ANKRD18B: variants seen among roughly 807,000 people sequenced by gnomAD.
ANKRD18B encodes ankyrin repeat domain 18B.
In ANKRD18B, 75 loss-of-function variants were observed where a neutral mutation model predicts 111.8. The observed-to-expected ratio is 0.67, with a 90% CI of 0.56 to 0.81. The LOEUF (loss-of-function observed/expected upper bound fraction) is 0.81. Ranked by LOEUF, ANKRD18B falls within the 40% of genes least tolerant of loss-of-function variation. ANKRD18B has a pLI of 0.00. For missense variants in ANKRD18B, 1,038 were observed against 1,225.5 expected (o/e 0.85, Z 2.28); for synonymous variants, 356 against 417.3 (o/e 0.85, Z 1.79).
At chr9:33,550,955 C>CTTAT (rs765731078) in intron 12 of ANKRD18B, among the ~76,000 whole-genome samples, 19 of 152,144 alleles carry the variant, frequency 1.2e-4, no homozygotes, top group Admixed American at 3.3e-4. Flanking sequence ...ATCAAGTTGT[C>CTTAT]TTATTTCTTC....
Position 33,548,207 on chromosome 9 carries a change from T to C in ANKRD18B, c.1419T>C (p.Asn473=). The change falls in exon 11 of 19, where the codon AAT becomes AAC. Residue 473 remains asparagine (N), a synonymous_variant. Transcript: ENST00000684830. The part of the protein sequence containing the change: ...NDLKAENARL[N]SKLEKEKHNK... The stretch of plus-strand genomic sequence containing the variant: ...TGAAAGCTGAGAATGCAAGGCTGAA[T>C]TCAAAATTGGAGAAGGAAAAACACA... The C allele has an allele frequency of 6.4e-7, 1 of 1,550,480 alleles. No homozygotes were observed. Among genetic ancestry groups the C allele is most frequent in the Non-Finnish European group, 8.7e-7 (1 of 1,146,538 alleles).
At chr9:33,553,041 T>C (rs1053658415) in intron 12 of ANKRD18B, among the ~76,000 whole-genome samples, 1 of 151,500 alleles carries the variant, frequency 6.6e-6, no homozygotes, top group Non-Finnish European at 1.5e-5. Context: ...TTCTGGCTTC[T>C]GTGTAGAACT....
intron 14 of ANKRD18B, among the ~76,000 whole-genome samples, chr9:33,561,429 A>G (rs1012574159): frequency 6.6e-5 from 10 of 152,218 alleles, no homozygotes; most frequent in African/African-American, 2.4e-4. Context: ...TATATCCTAT[A>G]TATGTAAGTC....
At chr9:33,545,100 T>A (rs1828334921) in intron 10 of ANKRD18B, among the ~76,000 whole-genome samples, 1 of 152,184 alleles carries the variant, frequency 6.6e-6, no homozygotes, top group African/African-American at 2.4e-5. Flanking sequence ...GTTGCATTTA[T>A]ACTCTGGGTC....
intron 5 of ANKRD18B, among the ~76,000 whole-genome samples, chr9:33,536,055 G>T (rs939883261): frequency 7.2e-5 from 11 of 151,940 alleles, no homozygotes; most frequent in Non-Finnish European, 1.3e-4. Flanking sequence ...GGACCAAAAA[G>T]GTGCAGCCTC....
chr9:33,543,101 G>C lies in ANKRD18B; in HGVS notation c.1079-84G>C, dbSNP rs972507189. 28 of 1,181,068 alleles carry C rather than the reference G, an allele frequency of 2.4e-5. No homozygotes were observed. In the Admixed American group the frequency reaches 7.6e-4, roughly 32 times the overall value. The allele number at this position is 1,181,068 out of a possible 1,614,324, so 73.2% of individuals were successfully genotyped here. A position where few individuals can be genotyped will look rare whatever the true frequency, so the allele number is the denominator to read the frequency against. ...TAAATTCTCAATTTATAAAAGAAAA[G>C]TGTGTGTTGTTTTGTATCAATTTTT... On this transcript the variant is annotated intron_variant, in intron 9 of 18. Coordinates refer to ENST00000684830, the MANE Select transcript of ANKRD18B (RefSeq NM_001393611.1).
In ANKRD18B at chr9:33,548,295, G is replaced by A; in HGVS notation, c.1507G>A (p.Glu503Lys). ...LHSNLATAINEYNEILERKDL... is the reference protein window; with the variant it reads ...LHSNLATAINKYNEILERKDL... ...TTCTAACTTGGCCACTGCTATAAAT[G>A]AGTACAATGAAATTTTGGAAAGAAA... The change falls in exon 11 of 19, where the codon GAG becomes AAG. Residue 503 changes from glutamate (E) to lysine (K), a missense_variant. Coordinates refer to ENST00000684830, the MANE Select transcript of ANKRD18B (RefSeq NM_001393611.1). The A allele has an allele frequency of 6.5e-7, 1 of 1,550,260 alleles. No individual in the cohort carries two copies. The highest frequency in any genetic ancestry group is 8.7e-7 in the Non-Finnish European group (1 of 1,146,476).
At chr9:33,547,716 GTGTGTGTGTT>G (rs1828380264) in intron 10 of ANKRD18B, among the ~76,000 whole-genome samples, 2 of 124,622 alleles carry the variant, frequency 1.6e-5, no homozygotes, top group Admixed American at 8.3e-5. Context: ...GTGTGTGTGT[GTGTGTGTGTT>G]TTATGGATTC....
intron 12 of ANKRD18B, among the ~76,000 whole-genome samples, chr9:33,554,909 T>G (rs1828499989): frequency 6.6e-6 from 1 of 151,802 alleles, no homozygotes. Flanking sequence ...TGTGACAGGT[T>G]CATAACTTAG....
At chr9:33,561,764 G>A (rs1031211426) in intron 14 of ANKRD18B, among the ~76,000 whole-genome samples, 1 of 152,124 alleles carries the variant, frequency 6.6e-6, no homozygotes, top group Admixed American at 6.5e-5. Flanking sequence ...TTATTGAAAA[G>A]ACTATTCTTT....
chr9:33,534,322 A>G (rs1828162926), intron 4 of ANKRD18B, 48 bp from the exon 5 acceptor site: 4 of 1,496,090 alleles, frequency 2.7e-6, no homozygotes. Flanking sequence ...TGCTAATTAA[A>G]TATCTTTATC....
intron 9 of ANKRD18B, among the ~76,000 whole-genome samples, chr9:33,541,651 T>C (rs893067740): frequency 1.3e-5 from 2 of 152,136 alleles, no homozygotes; most frequent in Admixed American, 1.3e-4. Context: ...TTAACTATGA[T>C]AGCAACATTA....
chr9:33,573,057 C>T (rs1419893365), downstream of ANKRD18B: 9 of 703,682 alleles, frequency 1.3e-5, no homozygotes, highest in Admixed American at 4.5e-5. Context: ...CAGTGGTAGA[C>T]ATTTCAAGCT....
At position 33,566,506 on chromosome 9, in the gene ANKRD18B, T is replaced by C. The variant is rs754942398; in HGVS notation, c.2742+6T>C. On this transcript the variant is annotated splice_donor_region_variant and intron_variant, in intron 15 of 18. Transcript: ENST00000684830. ...TAGAAGAAATCCATTTACAGGTTAG[T>C]TTTTAAAATCAGGTAAGTTTATCTG... 3.1e-6 allele frequency: 5 copies of C among 1,600,544 alleles called. No individual in the cohort carries two copies. The highest frequency in any genetic ancestry group is 3.4e-6 in the Non-Finnish European group (4 of 1,177,182).
intron 14 of ANKRD18B, 138 bp from the exon 15 acceptor site, chr9:33,566,081 G>T (rs1243059362): frequency 8.2e-6 from 6 of 735,534 alleles, no homozygotes; most frequent in Non-Finnish European, 1.3e-5. Context: ...GTAATTTAAG[G>T]GTTCACATTT....
Position 33,572,685 on chromosome 9 carries a change from G to A in ANKRD18B, c.*251G>A, listed in dbSNP as rs1413171588. 3.6e-6 allele frequency: 4 copies of A among 1,101,958 alleles called. No homozygotes were observed. Among genetic ancestry groups the A allele is most frequent in the Non-Finnish European group, 4.4e-6 (4 of 904,044 alleles). 68.3% of individuals were successfully genotyped at this position (1,101,958 alleles called of 1,614,324 possible). On this transcript the variant is annotated 3_prime_UTR_variant, in exon 19 of 19. Transcript: ENST00000684830. ...GCTGTTTAAACAGCCAAACAACCAAGTCATCATTGATACTGTAGTAAAGGT... is the reference window on the plus strand; with the variant it reads ...GCTGTTTAAACAGCCAAACAACCAAATCATCATTGATACTGTAGTAAAGGT...
At chr9:33,526,969 T>C (rs1207221773) in intron 1 of ANKRD18B, among the ~76,000 whole-genome samples, 2 of 152,230 alleles carry the variant, frequency 1.3e-5, no homozygotes, top group Non-Finnish European at 2.9e-5. Context: ...GAATATGTTA[T>C]GTAGCAGACA....
chr9:33,563,414 A>G (rs1828635970), intron 14 of ANKRD18B, among the ~76,000 whole-genome samples: 2 of 152,174 alleles, frequency 1.3e-5, no homozygotes, highest in South Asian at 2.1e-4. Context: ...GATGCTGGCC[A>G]TTGGCTGGAA....
At chr9:33,539,043 A>G (rs1334410561) in intron 6 of ANKRD18B, among the ~76,000 whole-genome samples, 1 of 152,198 alleles carries the variant, frequency 6.6e-6, no homozygotes, top group Non-Finnish European at 1.5e-5. Flanking sequence ...TGTTTTTTCA[A>G]CAGAGTTTTT....
Sources: gnomAD v4.1 joint callset for allele counts (sites outside exome capture counted in the v4.1 genomes callset) on GRCh38, gnomAD v4.1.1 for gene constraint, MANE v1.5 for transcripts, NCBI Gene and HGNC (gene_info 2026-07-23, HGNC 2026-07-21) for gene names.